CTDP1: variants seen among roughly 807,000 people sequenced by gnomAD.
CTDP1 encodes CTD phosphatase 1.
CTDP1 carries 47 observed loss-of-function variants against 91.8 expected under a neutral mutation model. That is an observed-to-expected ratio of 0.51 (90% CI 0.41 to 0.65). The LOEUF (loss-of-function observed/expected upper bound fraction) is 0.65, where lower values mean the gene tolerates loss of function less well. Among genes scored for constraint, CTDP1 ranks in the 30% least tolerant of loss-of-function variants. The probability of loss-of-function intolerance (pLI) is 0.00; values close to 1 mark genes in which losing one functional copy is unlikely to be tolerated. For missense variants in CTDP1, 1,272 were observed against 1,373.7 expected (o/e 0.93, Z 1.17); for synonymous variants, 656 against 598.5 (o/e 1.10, Z -1.40).
chr18:79,698,350 G>T (rs899789650), intron 4 of CTDP1, among the ~76,000 whole-genome samples: 2 of 152,166 alleles, frequency 1.3e-5, no homozygotes, highest in Middle Eastern at 3.2e-3. Flanking sequence ...TGGGGAGGAC[G>T]TTGGTGTTGG....
At position 79,697,858 on chromosome 18, in the gene CTDP1, A is replaced by G; in HGVS notation, c.493-2A>G. ...TCATTTCTTGTTTCTTTTTAATTGTAGCAAGCTGAACAGCTGGGAAGAGAA... is the reference window on the plus strand; with the variant it reads ...TCATTTCTTGTTTCTTTTTAATTGTGGCAAGCTGAACAGCTGGGAAGAGAA... On this transcript the variant is annotated splice_acceptor_variant, in intron 3 of 12. Transcript: ENST00000613122. LOFTEE classifies it high-confidence loss of function. 3 of 1,614,182 alleles carry G rather than the reference A, an allele frequency of 1.9e-6. No individual in the cohort carries two copies. The highest frequency in any genetic ancestry group is 2.5e-6 in the Non-Finnish European group (3 of 1,180,038).
At chr18:79,706,174 G>C (rs1212841149) in intron 5 of CTDP1, among the ~76,000 whole-genome samples, 1 of 152,230 alleles carries the variant, frequency 6.6e-6, no homozygotes, top group Non-Finnish European at 1.5e-5. Context: ...CAGCAAGCCG[G>C]CGCCCACTGA....
rs1180773137 is a variant in CTDP1 at position 79,739,805 on chromosome 18, C to T, written c.2747+3284C>T. ...CGGGTGGGACTCTCATACCCACGGC[C>T]GGGACGGGTGGGACTCTCATACCCA... On this transcript the variant is annotated intron_variant, in intron 12 of 12. Transcript: ENST00000613122. Among the ~76,000 whole-genome samples, 2 of 149,922 alleles carry T rather than the reference C, an allele frequency of 1.3e-5. 1 individual carries two copies. Among genetic ancestry groups the T allele is most frequent in the East Asian group, 4.0e-4 (2 of 5,048 alleles).
chr18:79,686,007 G>A (rs193231904), intron 1 of CTDP1, among the ~76,000 whole-genome samples: 8 of 152,138 alleles, frequency 5.3e-5, no homozygotes, highest in African/African-American at 1.9e-4. Context: ...ATTAAACGTG[G>A]GTAAGTTGCA....
intron 3 of CTDP1, 72 bp downstream of exon 3, chr18:79,696,142 T>C (rs924730241): frequency 1.8e-5 from 25 of 1,353,496 alleles, no homozygotes; most frequent in Middle Eastern, 2.1e-4. Context: ...AGGAGGAGGG[T>C]GGCTGCAGAA....
rs754826401 is a variant in CTDP1, at chr18:79,697,997, A to T, written c.621+9A>T. 1.2e-6 allele frequency: 2 copies of T among 1,614,222 alleles called. No homozygotes were observed. Among genetic ancestry groups the T allele is most frequent in the East Asian group, 4.5e-5 (2 of 44,892 alleles). ...AGCAGATGTCGAATAAAGTGAGTGC[A>T]GTCAGCATCTACGGACAGTTTCCCA... is the stretch of plus-strand genomic sequence containing the variant. On this transcript the variant is annotated intron_variant, in intron 4 of 12. Coordinates refer to ENST00000613122, the MANE Select transcript of CTDP1 (RefSeq NM_004715.5).
chr18:79,728,707 C>G (rs1222695257), intron 10 of CTDP1, among the ~76,000 whole-genome samples, 200 bp from the exon 11 acceptor site: 2 of 152,254 alleles, frequency 1.3e-5, no homozygotes, highest in Non-Finnish European at 2.9e-5. Context: ...CGTGTTTTGC[C>G]AGTCACCCTG....
intron 10 of CTDP1, among the ~76,000 whole-genome samples, chr18:79,728,184 C>G (rs982132109): frequency 7.2e-5 from 11 of 152,122 alleles, no homozygotes; most frequent in Non-Finnish European, 1.5e-4. Context: ...ACTGCAACCT[C>G]TGCCTCCCAG....
intron 4 of CTDP1, among the ~76,000 whole-genome samples, chr18:79,700,556 G>T (rs1188973913): frequency 6.6e-6 from 1 of 152,246 alleles, no homozygotes; most frequent in Non-Finnish European, 1.5e-5. Flanking sequence ...GGAAGCTGCA[G>T]AAGAAAAGCT....
At chr18:79,696,919 C>G (rs867984217) in intron 3 of CTDP1, among the ~76,000 whole-genome samples, 2 of 152,190 alleles carry the variant, frequency 1.3e-5, no homozygotes, top group Non-Finnish European at 2.9e-5. Context: ...TACAGACTTT[C>G]AGGGCTGCAC....
At chr18:79,697,459 A>AGCGCGGGAGG (rs2085770724) in intron 3 of CTDP1, among the ~76,000 whole-genome samples, 1 of 152,216 alleles carries the variant, frequency 6.6e-6, no homozygotes, top group Non-Finnish European at 1.5e-5. Flanking sequence ...AGCGCGGGAG[A>AGCGCGGGAGG]TTCTGAGCGC....
chr18:79,701,053 C>A (rs553328752), intron 4 of CTDP1, among the ~76,000 whole-genome samples: 1 of 152,332 alleles, frequency 6.6e-6, no homozygotes, highest in East Asian at 1.9e-4. Flanking sequence ...AAGAGAGATT[C>A]TTCTAAGAAA....
At chr18:79,749,668 A>G (rs1253297369) in intron 12 of CTDP1, 1 of 152,174 alleles carries the variant, frequency 6.6e-6, no homozygotes, top group African/African-American at 2.4e-5. Flanking sequence ...CTCTGTTCGC[A>G]AGGGTCTCCT....
At chr18:79,707,210 C>T (rs186253939) in intron 5 of CTDP1, among the ~76,000 whole-genome samples, 1 of 152,308 alleles carries the variant, frequency 6.6e-6, no homozygotes, top group East Asian at 1.9e-4. Flanking sequence ...CCTTGCCACC[C>T]GTCACACCAG....
intron 12 of CTDP1, among the ~76,000 whole-genome samples, chr18:79,737,780 C>T (rs370449541): frequency 7.9e-5 from 12 of 152,272 alleles, no homozygotes; most frequent in Admixed American, 3.9e-4. Context: ...TTCTTGCCTC[C>T]GCCCTGCCAA....
intron 1 of CTDP1, among the ~76,000 whole-genome samples, chr18:79,694,174 TA>T (rs765258994): frequency 1.3e-5 from 2 of 149,468 alleles, no homozygotes; most frequent in Non-Finnish European, 3.0e-5. Context: ...TGTGAGCACC[TA>T]GGGGCGGGTG....
chr18:79,681,574 A>G, intron 1 of CTDP1: 1 of 878,038 alleles, frequency 1.1e-6, no homozygotes, highest in Non-Finnish European at 1.4e-6. Flanking sequence ...CAGTCAGTCT[A>G]GTGAATAAAA....
Position 79,753,714 on chromosome 18 carries a change from A to G in CTDP1, c.2810A>G (p.Asn937Ser). 2 of 1,614,102 alleles carry G rather than the reference A, an allele frequency of 1.2e-6. No individual in the cohort carries two copies. Among genetic ancestry groups the G allele is most frequent in the South Asian group, 1.1e-5 (1 of 91,086 alleles). Reference protein sequence around the residue: ...AASESSRESSNEDEGSSSEAD... With the variant: ...AASESSRESSSEDEGSSSEAD... ...AGCGAGTCCAGCAGGGAGTCCAGCA[A>G]CGAGGATGAGGGCAGCAGCTCCGAG... Residue 937 changes from asparagine to serine, a missense_variant, in exon 13 of 13, where the codon AAC (asparagine) becomes AGC (serine). Coordinates refer to ENST00000613122, the MANE Select transcript of CTDP1 (RefSeq NM_004715.5).
intron 10 of CTDP1, among the ~76,000 whole-genome samples, chr18:79,719,285 A>G (rs2122666569): frequency 6.6e-6 from 1 of 152,124 alleles, no homozygotes; most frequent in South Asian, 2.1e-4. Flanking sequence ...GAGTGTTGCT[A>G]AGAGGAGGAG....
Sources: allele counts gnomAD v4.1 joint callset (sites outside exome capture counted in the v4.1 genomes callset), GRCh38; gene constraint gnomAD v4.1.1; transcripts MANE v1.5; gene names NCBI Gene and HGNC (gene_info 2026-07-23, HGNC 2026-07-21).